Variants in KCNK2 observed in about 807,000 individuals in gnomAD.
KCNK2 encodes potassium two pore domain channel subfamily K member 2, also known as potassium channel subfamily K member 2.
KCNK2 carries 21 observed loss-of-function variants against 40.5 expected under a neutral mutation model. The observed-to-expected ratio is 0.52, with a 90% confidence interval of 0.37 to 0.75. KCNK2 has a LOEUF of 0.75. KCNK2 is among the 30% of genes least tolerant of loss of function. The pLI, the probability that KCNK2 is intolerant of heterozygous loss-of-function variation, is 0.00. For synonymous variants in KCNK2, 191 were observed against 202.2 expected, an observed-to-expected ratio of 0.94 and a Z score of 0.47; for missense variants, 399 against 531.6, an observed-to-expected ratio of 0.75 and a Z score of 2.45.
chr1:215,036,048 T>G (rs1657372919), intron 1 of KCNK2, among the ~76,000 whole-genome samples: 1 of 151,918 alleles, frequency 6.6e-6, no homozygotes, highest in Non-Finnish European at 1.5e-5. Flanking sequence ...GAATTCCAAT[T>G]TATAATTTTT....
At chr1:215,166,948 G>A (rs935188731) in intron 3 of KCNK2, among the ~76,000 whole-genome samples, 1 of 151,904 alleles carries the variant, frequency 6.6e-6, no homozygotes, top group African/African-American at 2.4e-5. Flanking sequence ...TATTTTCATG[G>A]CATAAGAACA....
chr1:215,226,835 A>G (rs1217033705), intron 6 of KCNK2, among the ~76,000 whole-genome samples: 1 of 152,178 alleles, frequency 6.6e-6, no homozygotes, highest in African/African-American at 2.4e-5. Context: ...TGAGAATGAG[A>G]TATTAGCATC....
At position 215,177,100 on chromosome 1, in the gene KCNK2, T is replaced by G. The variant is rs1379485199; in HGVS notation, c.823+4917T>G. On this transcript the variant is annotated intron_variant, in intron 5 of 6. Coordinates refer to ENST00000444842, the MANE Select transcript of KCNK2 (RefSeq NM_001017425.3). ...TTCTCTAATGATCACTGATGTTGAG[T>G]TTTTTTTCATATGTTTCTTGGCCAC... Among the ~76,000 whole-genome samples the G allele has an allele frequency of 3.3e-5, 5 of 151,950 alleles. No individual in the cohort carries two copies. The East Asian group carries it at 9.7e-4, about 29-fold the overall frequency.
intron 1 of KCNK2, among the ~76,000 whole-genome samples, chr1:215,057,784 G>A (rs539373977): frequency 3.3e-5 from 5 of 152,234 alleles, no homozygotes; most frequent in African/African-American, 1.2e-4. Context: ...AGACCTGTTT[G>A]CACATTTTGG....
intron 1 of KCNK2, among the ~76,000 whole-genome samples, chr1:215,052,137 T>C (rs1409922712): frequency 6.6e-6 from 1 of 152,078 alleles, no homozygotes; most frequent in East Asian, 1.9e-4. Flanking sequence ...GAACAAGTAA[T>C]ATAATTTCAA....
At chr1:215,199,854 A>G (rs1665011846) in intron 6 of KCNK2, among the ~76,000 whole-genome samples, 1 of 152,196 alleles carries the variant, frequency 6.6e-6, no homozygotes, top group Non-Finnish European at 1.5e-5. Context: ...GAGCATCGTT[A>G]CTACACACAG....
At chr1:215,078,587 A>G (rs1358256024), upstream of KCNK2, among the ~76,000 whole-genome samples, 1 of 152,100 alleles carries the variant, frequency 6.6e-6, no homozygotes, top group Non-Finnish European at 1.5e-5. Flanking sequence ...AGCATGGGGG[A>G]AACTGCCCCC....
chr1:215,164,330 C>A (rs886827553), intron 3 of KCNK2, among the ~76,000 whole-genome samples: 1 of 152,030 alleles, frequency 6.6e-6, no homozygotes, highest in Non-Finnish European at 1.5e-5. Flanking sequence ...ATTAGTCTAG[C>A]TAGTGGTCTA....
rs370442673 is a variant in KCNK2 at position 215,197,830 on chromosome 1, T to C, written c.963+2738T>C. On this transcript the variant is annotated intron_variant, in intron 6 of 6. Transcript: ENST00000444842. ...GTCTAGCCAACATGGTGAAACTTCA[T>C]CTCTACTAAAAATACAAAAATTAGC... Among the ~76,000 whole-genome samples the C allele has an allele frequency of 5.3e-4, 80 of 152,242 alleles. 2 individuals carry two copies. The South Asian group carries it at 0.012, about 24-fold the overall frequency.
chr1:215,107,348 T>C (rs1660478427), intron 2 of KCNK2, among the ~76,000 whole-genome samples: 2 of 152,020 alleles, frequency 1.3e-5, no homozygotes, highest in Admixed American at 6.6e-5. Flanking sequence ...TTTGTATGGC[T>C]ATTGTAAATA....
At chr1:215,155,924 G>A (rs12567520) in intron 3 of KCNK2, among the ~76,000 whole-genome samples, 21,408 of 152,040 alleles carry the variant, frequency 0.14, 2,089 homozygotes, top group South Asian at 0.41. Flanking sequence ...TTATATTTGC[G>A]TGTCAATCAG....
chr1:215,196,234 C>T (rs1664859393), intron 6 of KCNK2, among the ~76,000 whole-genome samples: 1 of 152,052 alleles, frequency 6.6e-6, no homozygotes, highest in South Asian at 2.1e-4. Context: ...CAGGCTCACA[C>T]CACCATGCCC....
At chr1:215,186,733 G>C (rs139781112) in intron 5 of KCNK2, among the ~76,000 whole-genome samples, 31 of 152,094 alleles carry the variant, frequency 2.0e-4, no homozygotes, top group African/African-American at 5.8e-4. Flanking sequence ...TTAGTGACTG[G>C]TTACCTTAGT....
intron 2 of KCNK2, among the ~76,000 whole-genome samples, chr1:215,123,526 T>C (rs1488227742): frequency 1.3e-5 from 2 of 152,190 alleles, no homozygotes; most frequent in Admixed American, 1.3e-4. Context: ...TATTTCATAA[T>C]GGTCAGTTCT....
At chr1:215,161,140 T>C (rs1316053295) in intron 3 of KCNK2, among the ~76,000 whole-genome samples, 1 of 152,184 alleles carries the variant, frequency 6.6e-6, no homozygotes, top group East Asian at 1.9e-4. Context: ...AAGTCTTGCA[T>C]TGGTCAGTCA....
chr1:215,106,618 T>A (rs1402943108), intron 2 of KCNK2, among the ~76,000 whole-genome samples: 1 of 152,160 alleles, frequency 6.6e-6, no homozygotes, highest in Non-Finnish European at 1.5e-5. Flanking sequence ...ATTTTTGTTT[T>A]TGATGCAATT....
chr1:215,047,506 A>G (rs116606099), intron 1 of KCNK2, among the ~76,000 whole-genome samples: 6,120 of 152,058 alleles, frequency 0.04, 174 homozygotes, highest in Non-Finnish European at 0.06. Flanking sequence ...GATTTCTTTG[A>G]TTTTTAAGTC....
At chr1:215,015,638 G>GCTTCAATT (rs1378030048) in intron 1 of KCNK2, among the ~76,000 whole-genome samples, 2 of 152,078 alleles carry the variant, frequency 1.3e-5, no homozygotes, top group Admixed American at 6.6e-5. Flanking sequence ...TGCCCATGGA[G>GCTTCAATT]CTTCAATTCT....
At chr1:215,038,350 G>A (rs138127692) in intron 1 of KCNK2, among the ~76,000 whole-genome samples, 119 of 152,158 alleles carry the variant, frequency 7.8e-4, no homozygotes, top group African/African-American at 2.7e-3. Context: ...ATGTCATCTA[G>A]GAAGGTCTTA....
Sources: gnomAD v4.1 joint callset for allele counts (sites outside exome capture counted in the v4.1 genomes callset) on GRCh38, gnomAD v4.1.1 for gene constraint, MANE v1.5 for transcripts, NCBI Gene and HGNC (gene_info 2026-07-23, HGNC 2026-07-21) for gene names.